Variants in VPS8 observed in about 807,000 individuals in gnomAD.
VPS8 encodes the protein vacuolar protein sorting-associated protein 8 homolog.
A neutral mutation model predicts 216.4 loss-of-function variants in VPS8; 129 were observed. That is an observed-to-expected ratio of 0.60 (90% confidence interval 0.52 to 0.69). VPS8 has a LOEUF of 0.69. VPS8 is among the 30% of genes least tolerant of loss of function. The pLI is 0.00. For synonymous variants in VPS8, 571 were observed against 565.4 expected (o/e 1.01, Z -0.14); for missense variants, 1,531 against 1,683.5 (o/e 0.91, Z 1.59).
chr3:184,928,057 CA>C (rs1472170099), intron 31 of VPS8, among the ~76,000 whole-genome samples: 1 of 152,152 alleles, frequency 6.6e-6, no homozygotes, highest in African/African-American at 2.4e-5. Context: ...AAAAAATTAA[CA>C]TGTAAACATG....
intron 28 of VPS8, among the ~76,000 whole-genome samples, chr3:184,916,220 T>C (rs1366986305): frequency 3.9e-5 from 6 of 152,208 alleles, no homozygotes; most frequent in Non-Finnish European, 8.8e-5. Context: ...GAGATGAACA[T>C]GTACAATTTG....
At chr3:185,048,446 ATGT>A in intron 46 of VPS8, 30 bp from the exon 47 acceptor site, 1 of 1,609,302 alleles carries the variant, frequency 6.2e-7, no homozygotes, top group Non-Finnish European at 8.5e-7. Flanking sequence ...TAGCCACGTG[ATGT>A]TGTTAATCGT....
Position 185,052,321 on chromosome 3 carries a change from C to T in VPS8, c.*296C>T, listed in dbSNP as rs899215172. The T allele has an allele frequency of 2.4e-4, 61 of 249,918 alleles. No individual in the cohort carries two copies. The highest frequency in any genetic ancestry group is 1.2e-3 in the African/African-American group (54 of 44,522). The allele number at this position is 249,918 out of a possible 1,614,324, so 15.5% of individuals were successfully genotyped here. A position where few individuals can be genotyped will look rare whatever the true frequency, so the allele number is the denominator to read the frequency against. On this transcript the variant is annotated 3_prime_UTR_variant, in exon 48 of 48. Coordinates refer to ENST00000625842, the MANE Select transcript of VPS8 (RefSeq NM_001009921.3). Reference sequence around the variant, plus strand: ...TTTAGGAAATACATTTCGCCTATTGCGACTTTTTCCATTTACCCTGAAGCC... The same window carrying T: ...TTTAGGAAATACATTTCGCCTATTGTGACTTTTTCCATTTACCCTGAAGCC...
chr3:184,886,036 A>G, intron 21 of VPS8, 74 bp from the exon 22 acceptor site: 1 of 1,498,488 alleles, frequency 6.7e-7, no homozygotes, highest in Non-Finnish European at 9.1e-7. Flanking sequence ...AAGCATCTTA[A>G]GCAGACCTGT....
intron 40 of VPS8, among the ~76,000 whole-genome samples, chr3:184,972,510 G>C (rs1245877667): frequency 6.6e-6 from 1 of 152,218 alleles, no homozygotes; most frequent in African/African-American, 2.4e-5. Context: ...TTGCACACTA[G>C]AGTCACCTGG....
chr3:184,850,551 G>A (rs938708220), intron 10 of VPS8, among the ~76,000 whole-genome samples: 6 of 152,168 alleles, frequency 3.9e-5, no homozygotes, highest in African/African-American at 1.4e-4. Context: ...TAAAGGGAAA[G>A]CATTAAGATC....
intron 5 of VPS8, among the ~76,000 whole-genome samples, chr3:184,836,061 A>G (rs900015451): frequency 2.6e-5 from 4 of 152,146 alleles, no homozygotes; most frequent in Non-Finnish European, 1.5e-5. Context: ...ACAAGATACC[A>G]CAATTGCACT....
chr3:184,824,916 T>TG (rs1332864668), intron 2 of VPS8, 131 bp downstream of exon 2: 4 of 870,992 alleles, frequency 4.6e-6, no homozygotes, highest in Non-Finnish European at 1.7e-6. Flanking sequence ...TTTTTTTTTT[T>TG]TTTTTTGGAT....
At chr3:185,051,272 G>A (rs1714174296) in intron 47 of VPS8, among the ~76,000 whole-genome samples, 3 of 152,136 alleles carry the variant, frequency 2.0e-5, no homozygotes, top group African/African-American at 7.2e-5. Context: ...TAGTGTCATT[G>A]GTGGGAATAA....
chr3:184,967,834 T>TC (rs1223716527), intron 39 of VPS8, among the ~76,000 whole-genome samples: 1 of 93,208 alleles, frequency 1.1e-5, no homozygotes, highest in Non-Finnish European at 2.3e-5. Context: ...AGAGCAAAAC[T>TC]CCATCTCAAA....
chr3:184,864,470 G>A (rs1021372096), intron 16 of VPS8, among the ~76,000 whole-genome samples: 8 of 152,110 alleles, frequency 5.3e-5, no homozygotes. Flanking sequence ...ATCAGCAAAT[G>A]CATAGAAGGA....
At chr3:185,051,150 G>A (rs1714145827) in intron 47 of VPS8, among the ~76,000 whole-genome samples, 1 of 152,136 alleles carries the variant, frequency 6.6e-6, no homozygotes, top group Non-Finnish European at 1.5e-5. Flanking sequence ...TGGTCCCCCT[G>A]AGTGGCAGAG....
chr3:185,043,328 A>G (rs986319240), intron 46 of VPS8, among the ~76,000 whole-genome samples: 2 of 152,218 alleles, frequency 1.3e-5, no homozygotes, highest in African/African-American at 4.8e-5. Context: ...TACATTAAAC[A>G]CAAACGCAGC....
At chr3:184,972,173 A>G (rs1016083232) in intron 40 of VPS8, among the ~76,000 whole-genome samples, 8 of 152,106 alleles carry the variant, frequency 5.3e-5, no homozygotes, top group Non-Finnish European at 1.0e-4. Context: ...GTGGATTTTA[A>G]TCACTTCTTA....
At chr3:184,870,856 C>A in intron 21 of VPS8, 51 bp downstream of exon 21, 1 of 1,456,496 alleles carries the variant, frequency 6.9e-7, no homozygotes, top group Non-Finnish European at 9.4e-7. Flanking sequence ...AGGTCTAATA[C>A]TCCTCTTTTA....
intron 22 of VPS8, among the ~76,000 whole-genome samples, chr3:184,890,152 C>T (rs1732080272): frequency 6.6e-6 from 1 of 152,158 alleles, no homozygotes; most frequent in South Asian, 2.1e-4. Flanking sequence ...TAAACTGGAT[C>T]CTCTCTTTAT....
At chr3:184,942,222 C>G (rs1373244406) in intron 36 of VPS8, among the ~76,000 whole-genome samples, 1 of 152,060 alleles carries the variant, frequency 6.6e-6, no homozygotes, top group Non-Finnish European at 1.5e-5. Flanking sequence ...TCCCTTCTTA[C>G]CTATATCTAG....
chr3:185,051,961 A>G lies in VPS8; in HGVS notation c.4223A>G (p.Asn1408Ser), dbSNP rs934301748. Residue 1408 changes from asparagine to serine, a missense_variant, in exon 48 of 48, where the codon AAC (asparagine) becomes AGC (serine). Around this residue, in one of 3 missense-constraint regions of VPS8, gnomAD observed 1,318 missense variants for 1,468.4 expected, o/e 0.90. Transcript: ENST00000625842. Reference protein sequence around the residue: ...FSGSQSAPAFNSIFQNENFQL... With the variant: ...FSGSQSAPAFSSIFQNENFQL... ...GGCTCGCAGAGTGCTCCTGCTTTCA[A>G]CAGCATCTTCCAGAATGAGAACTTC... The G allele has an allele frequency of 1.2e-6, 2 of 1,613,636 alleles. No individual in the cohort carries two copies. Among genetic ancestry groups the G allele is most frequent in the Non-Finnish European group, 1.7e-6 (2 of 1,179,746 alleles).
At chr3:185,031,062 C>CTTTTTTTTTTTTTTTTTTTTTTT (rs1561198896) in intron 46 of VPS8, among the ~76,000 whole-genome samples, 1 of 75,238 alleles carries the variant, frequency 1.3e-5, no homozygotes, top group African/African-American at 7.4e-5. Context: ...TACAGGTTGG[C>CTTTTTTTTTTTTTTTTTTTTTTT]GTTTTTTTTT....
Sources: allele counts gnomAD v4.1 joint callset (sites outside exome capture counted in the v4.1 genomes callset), GRCh38; gene constraint gnomAD v4.1.1; regional missense constraint gnomAD v4.1.1; transcripts MANE v1.5; gene names NCBI Gene and HGNC (gene_info 2026-07-23, HGNC 2026-07-21).